Variants in TMEM266 observed in about 807,000 individuals in gnomAD.
TMEM266 encodes the protein transmembrane protein 266.
A neutral mutation model predicts 50.5 loss-of-function variants in TMEM266; 33 were observed. The observed-to-expected ratio is 0.65, with a 90% CI of 0.50 to 0.87. The LOEUF (loss-of-function observed/expected upper bound fraction) is 0.87. Ranked by LOEUF, TMEM266 falls within the 40% of genes least tolerant of loss-of-function variation. The pLI is 0.00. For missense variants in TMEM266, 655 were observed against 695.1 expected (o/e 0.94, Z 0.65); for synonymous variants, 310 against 292.3 (o/e 1.06, Z -0.62).
At chr15:76,154,438 T>C (rs995542017) in intron 3 of TMEM266, among the ~76,000 whole-genome samples, 3 of 151,966 alleles carry the variant, frequency 2.0e-5, no homozygotes, top group Non-Finnish European at 2.9e-5. Flanking sequence ...CCACCTGGAG[T>C]GGGCGATGGG....
chr15:76,168,834 G>A lies in TMEM266; in HGVS notation c.457-982G>A, dbSNP rs1452295021. On this transcript the variant is annotated intron_variant, in intron 5 of 10. Coordinates refer to ENST00000388942, the MANE Select transcript of TMEM266 (RefSeq NM_152335.3). The surrounding 1 kb of genome is among the most constrained non-coding windows in gnomAD (Gnocchi z 4.4). ...AGAAACCATAGGAACACCCAGGAAG[G>A]AGGCACCAGCTGAGCCGGGGAGTGT... is the stretch of plus-strand genomic sequence containing the variant. Among the ~76,000 whole-genome samples, 1 of 152,224 alleles carries A rather than the reference G, an allele frequency of 6.6e-6. No homozygotes were observed. The highest frequency in any genetic ancestry group is 1.5e-5 in the Non-Finnish European group (1 of 68,040).
At chr15:76,061,392 A>G (rs2036300309) in intron 1 of TMEM266, among the ~76,000 whole-genome samples, 1 of 152,354 alleles carries the variant, frequency 6.6e-6, no homozygotes, top group East Asian at 1.9e-4. Flanking sequence ...AAGGTTAACT[A>G]ACTTGCCCAA....
rs115055975 is a variant in TMEM266, at chr15:76,081,534, C to G, written c.-97+21518C>G. The stretch of plus-strand genomic sequence containing the variant: ...CATCTAAAGCCAATAAGAAGGGAAC[C>G]AAATGAATAGGCTTCCAAGTTGCCC... On this transcript the variant is annotated intron_variant, in intron 1 of 10. Transcript: ENST00000388942. Among the ~76,000 whole-genome samples the G allele has an allele frequency of 3.3e-3, 506 of 152,304 alleles. 5 individuals carry two copies. The highest frequency in any genetic ancestry group is 0.011 in the African/African-American group (455 of 41,556).
intron 1 of TMEM266, chr15:76,114,140 T>G (rs997732563): frequency 6.6e-6 from 1 of 152,196 alleles, no homozygotes; most frequent in Non-Finnish European, 1.5e-5. Flanking sequence ...AAAGGAAAAT[T>G]AGACAGTATA....
chr15:76,144,123 A>G (rs1446539285), intron 3 of TMEM266, among the ~76,000 whole-genome samples: 1 of 152,184 alleles, frequency 6.6e-6, no homozygotes, highest in South Asian at 2.1e-4. Flanking sequence ...TGTCCTGGCC[A>G]TCTCAAACCC....
At chr15:76,077,229 G>T (rs898614108) in intron 1 of TMEM266, among the ~76,000 whole-genome samples, 1 of 152,078 alleles carries the variant, frequency 6.6e-6, no homozygotes, top group Non-Finnish European at 1.5e-5. Flanking sequence ...GCCTCCCAAA[G>T]TTCGGGGATT....
At chr15:76,144,713 AC>A (rs1468699212) in intron 3 of TMEM266, among the ~76,000 whole-genome samples, 1 of 151,796 alleles carries the variant, frequency 6.6e-6, no homozygotes, top group Admixed American at 6.6e-5. Context: ...CCCTGCCTCT[AC>A]CCCATCCCCA....
intron 1 of TMEM266, among the ~76,000 whole-genome samples, chr15:76,131,311 G>A (rs2037506542): frequency 6.6e-6 from 1 of 152,228 alleles, no homozygotes. Context: ...AGGTTGCAGT[G>A]AGCTGAGATC....
intron 1 of TMEM266, among the ~76,000 whole-genome samples, chr15:76,062,923 CAT>C (rs1778633087): frequency 6.6e-6 from 1 of 152,160 alleles, no homozygotes; most frequent in Non-Finnish European, 1.5e-5. Flanking sequence ...ATGAAACTCA[CAT>C]GTCTGTGGTG....
At chr15:76,157,537 G>A (rs1177839059) in intron 4 of TMEM266, among the ~76,000 whole-genome samples, 2 of 152,190 alleles carry the variant, frequency 1.3e-5, no homozygotes, top group Non-Finnish European at 2.9e-5. Context: ...AGAATCCACT[G>A]CTTACCCCAC....
intron 3 of TMEM266, among the ~76,000 whole-genome samples, chr15:76,148,140 G>A (rs1484268754): frequency 6.6e-6 from 1 of 152,216 alleles, no homozygotes; most frequent in Non-Finnish European, 1.5e-5. Flanking sequence ...GGTGTGTCGG[G>A]GATGTTTCCT....
chr15:76,074,594 A>G (rs1425984906), intron 1 of TMEM266, among the ~76,000 whole-genome samples: 2 of 152,112 alleles, frequency 1.3e-5, no homozygotes, highest in Non-Finnish European at 2.9e-5. Flanking sequence ...TTAAGGGGAT[A>G]GGAAATAAAC....
intron 9 of TMEM266, among the ~76,000 whole-genome samples, chr15:76,195,167 T>C (rs1273665312): frequency 6.6e-6 from 1 of 152,140 alleles, no homozygotes; most frequent in East Asian, 1.9e-4. Context: ...CTCCACACCG[T>C]TCCCTGGCAA....
At chr15:76,183,081 C>T (rs1341810427) in intron 8 of TMEM266, among the ~76,000 whole-genome samples, 1 of 145,660 alleles carries the variant, frequency 6.9e-6, no homozygotes, top group African/African-American at 2.5e-5. Flanking sequence ...ACTCAGGCCT[C>T]CAGGCTGCTT....
intron 9 of TMEM266, among the ~76,000 whole-genome samples, chr15:76,200,191 C>G (rs535816926): frequency 1.3e-5 from 2 of 152,272 alleles, no homozygotes; most frequent in South Asian, 2.1e-4. Flanking sequence ...CAGAGCTGCT[C>G]CACTTCCTTA....
chr15:76,184,575 A>ATTTG (rs1596161945), intron 8 of TMEM266, among the ~76,000 whole-genome samples: 1 of 152,364 alleles, frequency 6.6e-6, no homozygotes, highest in East Asian at 1.9e-4. Context: ...TGCAGACAGC[A>ATTTG]CTAATAGGAT....
At position 76,171,011 on chromosome 15, in the gene TMEM266, A is replaced by T. The variant is rs770518242; in HGVS notation, c.532A>T (p.Ile178Phe). ...CTCACAGGTGTTTGACGGGGCTGTG[A>T]TCATCCTATCTTTGGCTCCGATGGT... The change falls in exon 7 of 11, where the codon ATC (isoleucine) becomes TTC (phenylalanine). Residue 178 changes from isoleucine to phenylalanine, a missense_variant. By Grantham distance (21) the Ile-to-Phe change is conservative. Coordinates refer to ENST00000388942, the MANE Select transcript of TMEM266 (RefSeq NM_152335.3). The T allele has an allele frequency of 5.0e-6, 8 of 1,612,836 alleles. No homozygotes were observed. The highest frequency in any genetic ancestry group is 6.8e-6 in the Non-Finnish European group (8 of 1,179,614).
At chr15:76,185,084 G>A (rs2038473979) in intron 8 of TMEM266, among the ~76,000 whole-genome samples, 1 of 152,182 alleles carries the variant, frequency 6.6e-6, no homozygotes. Context: ...TGACTGCAAG[G>A]TGCTTCTGTG....
In TMEM266 at chr15:76,137,763, A is replaced by C; in HGVS notation, c.95A>C (p.Glu32Ala). 1.2e-6 allele frequency: 2 copies of C among 1,614,214 alleles called. No individual in the cohort carries two copies. Among genetic ancestry groups the C allele is most frequent in the Non-Finnish European group, 1.7e-6 (2 of 1,180,032 alleles). ...GAGATCATCTCCCAACAAGTAGACG[A>C]AGAAACCAAGAGCATTGCTCCTGTG... Residue 32 changes from glutamate to alanine, a missense_variant, in exon 3 of 11, where the codon GAA becomes GCA. By Grantham distance (107) the Glu-to-Ala change is moderately radical (BLOSUM62 -1). Coordinates refer to ENST00000388942, the MANE Select transcript of TMEM266 (RefSeq NM_152335.3).
Sources: gnomAD v4.1 joint callset for allele counts (sites outside exome capture counted in the v4.1 genomes callset) on GRCh38, gnomAD v4.1.1 for gene constraint, Gnocchi (gnomAD v3.1) non-coding constraint, MANE v1.5 for transcripts, NCBI Gene and HGNC (gene_info 2026-07-23, HGNC 2026-07-21) for gene names.